DENND1A: variants seen among roughly 807,000 people sequenced by gnomAD.
DENND1A encodes DENN domain-containing protein 1A.
A neutral mutation model predicts 113.7 loss-of-function variants in DENND1A; 51 were observed. The ratio of observed to expected loss-of-function variants is 0.45; its 90% CI spans 0.36 to 0.57. DENND1A has a LOEUF of 0.57. Ranked by LOEUF, DENND1A falls within the 20% of genes least tolerant of loss-of-function variation. The pLI, the probability that DENND1A is intolerant of heterozygous loss-of-function variation, is 0.00. For missense variants in DENND1A, 1,258 were observed against 1,395.9 expected (o/e 0.90, Z 1.57); for synonymous variants, 565 against 570.8 (o/e 0.99, Z 0.14).
At chr9:123,761,252 TTAAG>T (rs1390260445) in intron 4 of DENND1A, among the ~76,000 whole-genome samples, 2 of 152,204 alleles carry the variant, frequency 1.3e-5, no homozygotes, top group African/African-American at 4.8e-5. Context: ...CTTAAAACCT[TTAAG>T]CACCTGAGTT....
intron 21 of DENND1A, among the ~76,000 whole-genome samples, chr9:123,393,653 C>G (rs908202919): frequency 1.3e-5 from 2 of 152,086 alleles, no homozygotes; most frequent in African/African-American, 4.8e-5. Context: ...GTTCTCTGTG[C>G]GACCCAGGAT....
intron 13 of DENND1A, among the ~76,000 whole-genome samples, chr9:123,482,356 C>A (rs2133742431): frequency 6.6e-6 from 1 of 152,302 alleles, no homozygotes; most frequent in South Asian, 2.1e-4. Flanking sequence ...CCTCAGCCTC[C>A]CAAAGTGTTG....
At chr9:123,669,097 T>C (rs2063632952) in intron 7 of DENND1A, among the ~76,000 whole-genome samples, 1 of 152,222 alleles carries the variant, frequency 6.6e-6, no homozygotes, top group Non-Finnish European at 1.5e-5. Flanking sequence ...GGTATTTTAA[T>C]ACAAAATTAT....
chr9:123,505,114 C>T (rs1386447603), intron 13 of DENND1A, among the ~76,000 whole-genome samples: 2 of 152,156 alleles, frequency 1.3e-5, no homozygotes, highest in African/African-American at 4.8e-5. Context: ...GCATCAATAC[C>T]CAACTTATGT....
At chr9:123,478,698 G>C (rs951332960) in intron 13 of DENND1A, among the ~76,000 whole-genome samples, 2 of 152,214 alleles carry the variant, frequency 1.3e-5, no homozygotes, top group Non-Finnish European at 2.9e-5. Flanking sequence ...AGGAAGTCTA[G>C]TAAAATGTTA....
intron 2 of DENND1A, among the ~76,000 whole-genome samples, chr9:123,842,539 A>T (rs1414436352): frequency 6.6e-6 from 1 of 152,234 alleles, no homozygotes; most frequent in Non-Finnish European, 1.5e-5. Flanking sequence ...TGAAATGGAC[A>T]AATCTCTAGA....
chr9:123,655,950 AAACT>A (rs1178075202), intron 8 of DENND1A, among the ~76,000 whole-genome samples: 1 of 152,216 alleles, frequency 6.6e-6, no homozygotes, highest in African/African-American at 2.4e-5. Flanking sequence ...CTGCAGAGAT[AAACT>A]AACTGTGATC....
At chr9:123,549,050 A>G (rs1564697113) in intron 13 of DENND1A, among the ~76,000 whole-genome samples, 1 of 152,224 alleles carries the variant, frequency 6.6e-6, no homozygotes, top group South Asian at 2.1e-4. Flanking sequence ...ACAATGGTTA[A>G]AATAGCACAT....
chr9:123,500,341 G>C (rs1403387746), intron 13 of DENND1A, among the ~76,000 whole-genome samples: 1 of 152,196 alleles, frequency 6.6e-6, no homozygotes, highest in African/African-American at 2.4e-5. Flanking sequence ...TTGGCAGATA[G>C]GGTGGAATTA....
At chr9:123,866,759 G>A (rs1171608136) in intron 2 of DENND1A, among the ~76,000 whole-genome samples, 1 of 152,174 alleles carries the variant, frequency 6.6e-6, no homozygotes, top group Non-Finnish European at 1.5e-5. Flanking sequence ...AACCTGCCAA[G>A]TAGATAGAAG....
intron 2 of DENND1A, among the ~76,000 whole-genome samples, chr9:123,856,408 G>A (rs1291095046): frequency 6.6e-6 from 1 of 152,116 alleles, no homozygotes; most frequent in African/African-American, 2.4e-5. Flanking sequence ...GTGAACTAGT[G>A]TGGGGAGAAA....
intron 2 of DENND1A, among the ~76,000 whole-genome samples, chr9:123,877,430 A>T (rs1847656505): frequency 6.6e-6 from 1 of 152,052 alleles, no homozygotes; most frequent in South Asian, 2.1e-4. Flanking sequence ...CGGAGGTTGC[A>T]GTGAGCCGAG....
Position 123,671,318 on chromosome 9 carries a change from G to A in DENND1A, c.426C>T (p.Asp142=), listed in dbSNP as rs747862041. The change falls in exon 7 of 24, where the codon GAC becomes GAT. Residue 142 remains aspartate, a synonymous_variant. Coordinates refer to ENST00000394215, the MANE Select transcript of DENND1A (RefSeq NM_001352964.2). ...LETLHKLPIP[D]PGVSVHLSVH... ...CGCTGAGATGGACAGACACTCCTGG[G>A]TCAGGGATGGGAAGTTTGTGCAGAG... 12 of 1,613,932 alleles carry A rather than the reference G, an allele frequency of 7.4e-6. No individual in the cohort carries two copies. The highest frequency in any genetic ancestry group is 6.6e-5 in the South Asian group (6 of 91,056).
At chr9:123,888,872 G>C (rs1489291108) in intron 1 of DENND1A, among the ~76,000 whole-genome samples, 1 of 152,086 alleles carries the variant, frequency 6.6e-6, no homozygotes, top group East Asian at 1.9e-4. Flanking sequence ...CATTGCGTTA[G>C]AGGGGAGAAT....
At chr9:123,651,380 G>A (rs990296226) in intron 9 of DENND1A, among the ~76,000 whole-genome samples, 1 of 152,202 alleles carries the variant, frequency 6.6e-6, no homozygotes, top group African/African-American at 2.4e-5. Context: ...AAACACCTGA[G>A]CACATGCACG....
chr9:123,910,456 A>G (rs533137642), intron 1 of DENND1A, among the ~76,000 whole-genome samples: 1 of 152,376 alleles, frequency 6.6e-6, no homozygotes, highest in Non-Finnish European at 1.5e-5. Flanking sequence ...TATCATACAT[A>G]AAAATTCATA....
chr9:123,456,136 G>A (rs2048102451), intron 15 of DENND1A, among the ~76,000 whole-genome samples: 1 of 152,054 alleles, frequency 6.6e-6, no homozygotes, highest in African/African-American at 2.4e-5. Flanking sequence ...TCTCCATGCA[G>A]CACAGGCTGG....
At chr9:123,628,188 G>C (rs774280407) in intron 10 of DENND1A, among the ~76,000 whole-genome samples, 1 of 152,104 alleles carries the variant, frequency 6.6e-6, no homozygotes, top group Non-Finnish European at 1.5e-5. Context: ...TGTGAGCTCA[G>C]TGGGAATAAG....
At chr9:123,514,090 GTGTGTGTA>G (rs767732226) in intron 13 of DENND1A, among the ~76,000 whole-genome samples, 8 of 85,744 alleles carry the variant, frequency 9.3e-5, no homozygotes, top group Admixed American at 1.5e-4. Context: ...GTGTGTGTGT[GTGTGTGTA>G]TGTGTGTGTG....
Sources: allele counts gnomAD v4.1 joint callset (sites outside exome capture counted in the v4.1 genomes callset), GRCh38; gene constraint gnomAD v4.1.1; transcripts MANE v1.5; gene names NCBI Gene and HGNC (gene_info 2026-07-23, HGNC 2026-07-21).